SH2B1: variants seen among roughly 807,000 people sequenced by gnomAD.
SH2B1 encodes SH2B adaptor protein 1, also known as SH2B adapter protein 1.
SH2B1 carries 15 observed loss-of-function variants against 62.6 expected under a neutral mutation model. The observed-to-expected ratio is 0.24, with a 90% CI of 0.16 to 0.37. SH2B1 has a LOEUF of 0.37. Among genes scored for constraint, SH2B1 ranks in the 10% least tolerant of loss-of-function variants. SH2B1 has a pLI of 1.00. For synonymous variants in SH2B1, 443 were observed against 438.0 expected (o/e 1.01, Z -0.14); for missense variants, 925 against 1,015.6 (o/e 0.91, Z 1.21).
chr16:28,873,070 A>C lies in SH2B1; in HGVS notation c.1897+365A>C. On this transcript the variant is annotated intron_variant, in intron 7 of 7. Coordinates refer to ENST00000684370, the MANE Select transcript of SH2B1 (RefSeq NM_001387430.1). The surrounding 1 kb of genome is among the most constrained non-coding windows in gnomAD (Gnocchi z 4.2). ...GCCCTTCCCGGGGACACTCGGTCTG[A>C]TCCCCTTCCCTCCTCCCTCAATGTC... The C allele has an allele frequency of 7.6e-6, 6 of 784,360 alleles. No individual in the cohort carries two copies. The highest frequency in any genetic ancestry group is 1.2e-5 in the Non-Finnish European group (6 of 499,322). The allele number at this position is 784,360 out of a possible 1,614,324, so 48.6% of individuals were successfully genotyped here.
intron 1 of SH2B1, among the ~76,000 whole-genome samples, chr16:28,857,762 C>A: frequency 6.8e-6 from 1 of 146,678 alleles, no homozygotes; most frequent in East Asian, 2.0e-4. Context: ...TTTTTTGAGA[C>A]GGAGTCTCGC....
upstream of SH2B1, chr16:28,861,762 ATCCGTCT>A (rs1300160899): frequency 6.6e-6 from 1 of 152,178 alleles, no homozygotes. Context: ...GTCAGGATTT[ATCCGTCT>A]TCCCCTCTTG....
chr16:28,853,544 C>T (rs1487537325), intron 1 of SH2B1, among the ~76,000 whole-genome samples: 2 of 128,304 alleles, frequency 1.6e-5, no homozygotes, highest in Admixed American at 9.1e-5. Flanking sequence ...TTTGTAGAGA[C>T]GGGGTCTCCC....
chr16:28,869,990 A>G (rs535757682), intron 4 of SH2B1, among the ~76,000 whole-genome samples: 1 of 152,340 alleles, frequency 6.6e-6, no homozygotes, highest in East Asian at 1.9e-4. Flanking sequence ...TTAGATCTAG[A>G]GTGGACCTTG....
chr16:28,859,747 CAGGGA>C (rs1671609531), upstream of SH2B1, among the ~76,000 whole-genome samples: 1 of 151,786 alleles, frequency 6.6e-6, no homozygotes. Flanking sequence ...AAAGAAAGTC[CAGGGA>C]AAAGCAGAAC....
chr16:28,868,984 A>AG (rs989159401), intron 2 of SH2B1, 22 bp from the exon 3 acceptor site: 10 of 1,592,054 alleles, frequency 6.3e-6, no homozygotes, highest in Non-Finnish European at 6.0e-6. Context: ...GCCCCAGCTG[A>AG]GGCGTCGTCT....
In SH2B1 at chr16:28,866,754, T is replaced by A. The variant is rs1461050197; in HGVS notation, c.660T>A (p.Pro220=). 2 of 1,577,268 alleles carry A rather than the reference T, an allele frequency of 1.3e-6. No individual in the cohort carries two copies. Among genetic ancestry groups the A allele is most frequent in the Non-Finnish European group, 1.7e-6 (2 of 1,162,948 alleles). ...GACTGGTCAGTGATGGAACGTCCCC[T>A]GGGGAAAGATGGACTCACCGTTTTG... The part of the protein sequence containing the change: ...GRGLVSDGTS[P]GERWTHRFER... The change falls in exon 1 of 8, where the codon CCT becomes CCA. Residue 220 remains proline, a synonymous_variant. Transcript: ENST00000684370. The surrounding 1 kb of genome is among the most constrained non-coding windows in gnomAD (Gnocchi z 6.3).
chr16:28,872,500 G>A lies in SH2B1; in HGVS notation c.1726-34G>A. The A allele has an allele frequency of 6.3e-7, 1 of 1,591,626 alleles. No homozygotes were observed. Among genetic ancestry groups the A allele is most frequent in the Non-Finnish European group, 8.6e-7 (1 of 1,166,228 alleles). On this transcript the variant is annotated intron_variant, in intron 6 of 7. Transcript: ENST00000684370. The surrounding 1 kb of genome is among the most constrained non-coding windows in gnomAD (Gnocchi z 5.3). Reference sequence around the variant, plus strand: ...GGGGTTTGTACCTGGCAGGGCCTTTGCCTCCTACCTCACCTCCCCCATCCC... The same window carrying A: ...GGGGTTTGTACCTGGCAGGGCCTTTACCTCCTACCTCACCTCCCCCATCCC...
At chr16:28,860,821 T>G, upstream of SH2B1, among the ~76,000 whole-genome samples, 1 of 152,072 alleles carries the variant, frequency 6.6e-6, no homozygotes. Context: ...GATTTGTTTT[T>G]TTTTTAATTT....
rs1290560601 is a variant in SH2B1, at chr16:28,867,316, T to G, written c.940-15T>G. On this transcript the variant is annotated splice_polypyrimidine_tract_variant and intron_variant, in intron 1 of 7. Coordinates refer to ENST00000684370, the MANE Select transcript of SH2B1 (RefSeq NM_001387430.1). ...GAAACCAAACACCCAGATCTGTTTC[T>G]TTCTCCTGACTTAGGCCTCTCGGCC... 1 of 1,600,066 alleles carries G rather than the reference T, an allele frequency of 6.2e-7. No homozygotes were observed. The highest frequency in any genetic ancestry group is 2.2e-5 in the East Asian group (1 of 44,836).
At chr16:28,852,513 C>CAT (rs1313616524) in intron 1 of SH2B1, among the ~76,000 whole-genome samples, 2 of 11,804 alleles carry the variant, frequency 1.7e-4, no homozygotes, top group African/African-American at 2.1e-3. Context: ...TATATATACA[C>CAT]ATATATTTAT....
At chr16:28,853,834 C>A (rs372718119) in intron 1 of SH2B1, among the ~76,000 whole-genome samples, 1 of 151,064 alleles carries the variant, frequency 6.6e-6, no homozygotes, top group African/African-American at 2.4e-5. Context: ...CCCATCTCTA[C>A]TAAAATACAA....
At chr16:28,867,503 G>A (rs1287256234) in intron 2 of SH2B1, 71 bp downstream of exon 2, 1 of 1,186,880 alleles carries the variant, frequency 8.4e-7, no homozygotes, top group Non-Finnish European at 1.3e-6. Context: ...ATTTAAGCAA[G>A]TGGCGTCGCC....
At chr16:28,859,239 C>T (rs1201422176), upstream of SH2B1, among the ~76,000 whole-genome samples, 1 of 152,024 alleles carries the variant, frequency 6.6e-6, no homozygotes, top group East Asian at 1.9e-4. Flanking sequence ...CCACCATGCC[C>T]AGCCTATTTA....
chr16:28,852,782 T>TTA (rs1475870314), intron 1 of SH2B1, among the ~76,000 whole-genome samples: 12 of 67,658 alleles, frequency 1.8e-4, no homozygotes, highest in East Asian at 8.6e-4. Context: ...ATATATATAT[T>TTA]TACATATATA....
At position 28,873,856 on chromosome 16, in the gene SH2B1, C is replaced by T. The variant is rs2152190589; in HGVS notation, c.*36C>T. 1 of 1,401,208 alleles carries T rather than the reference C, an allele frequency of 7.1e-7. No homozygotes were observed. The highest frequency in any genetic ancestry group is 9.3e-7 in the Non-Finnish European group (1 of 1,081,048). 86.8% of individuals were successfully genotyped at this position (1,401,208 alleles called of 1,614,324 possible). A position where few individuals can be genotyped will look rare whatever the true frequency, so the allele number is the denominator to read the frequency against. On this transcript the variant is annotated 3_prime_UTR_variant, in exon 8 of 8. Coordinates refer to ENST00000684370, the MANE Select transcript of SH2B1 (RefSeq NM_001387430.1). This position sits in a 1 kb window ranked among gnomAD's most constrained non-coding sequence, Gnocchi z 4.2. ...CCCGCTCCACCCTTTTTAAACCCCC[C>T]AGCCCTGCTCGTGAGATTGGGCTGG...
At position 28,846,842 on chromosome 16, in the gene SH2B1, C is replaced by T. The variant is rs1961983234; in HGVS notation, c.-301+15C>T. 1.9e-5 allele frequency: 3 copies of T among 156,850 alleles called. 1 individual carries two copies. In the East Asian group the frequency reaches 5.7e-4, roughly 30 times the overall value. The allele number at this position is 156,850 out of a possible 1,614,324, so 9.7% of individuals were successfully genotyped here. ...CGCAGCTGGAGGTAGGGGACCAGGT[C>T]CTGGACGCCTTTCGGGGATGGGGTG... On this transcript the variant is annotated intron_variant, in intron 1 of 10. Transcript: ENST00000322610.
chr16:28,860,975 C>T (rs1202749581), upstream of SH2B1, among the ~76,000 whole-genome samples: 2 of 151,858 alleles, frequency 1.3e-5, no homozygotes, highest in South Asian at 2.1e-4. Context: ...CGCCACCACA[C>T]GTGGCTAATT....
intron 4 of SH2B1, among the ~76,000 whole-genome samples, chr16:28,870,207 C>T (rs184746756): frequency 6.6e-6 from 1 of 152,294 alleles, no homozygotes; most frequent in Non-Finnish European, 1.5e-5. Context: ...CATACCTGGC[C>T]CTGCTCTGTG....
Sources: gnomAD v4.1 joint callset for allele counts (sites outside exome capture counted in the v4.1 genomes callset) on GRCh38, gnomAD v4.1.1 for gene constraint, Gnocchi (gnomAD v3.1) non-coding constraint, MANE v1.5 for transcripts, NCBI Gene and HGNC (gene_info 2026-07-23, HGNC 2026-07-21) for gene names.